RASA1: variants seen among roughly 807,000 people sequenced by gnomAD.
RASA1 encodes the protein ras GTPase-activating protein 1.
In RASA1, 25 loss-of-function variants were observed where a neutral mutation model predicts 132.2. The ratio of observed to expected loss-of-function variants is 0.19; its 90% CI spans 0.14 to 0.26. RASA1 has a LOEUF of 0.26. Among genes scored for constraint, RASA1 ranks in the 10% least tolerant of loss-of-function variants. The pLI, the probability that RASA1 is intolerant of heterozygous loss-of-function variation, is 1.00. For missense variants in RASA1, 964 were observed against 1,299.2 expected, an observed-to-expected ratio of 0.74 and a Z score of 3.97; for synonymous variants, 477 against 449.9, an observed-to-expected ratio of 1.06 and a Z score of -0.76.
chr5:87,284,886 A>G (rs1754475036), intron 1 of RASA1, among the ~76,000 whole-genome samples: 1 of 152,092 alleles, frequency 6.6e-6, no homozygotes, highest in Non-Finnish European at 1.5e-5. Flanking sequence ...TGTTTTTGAA[A>G]TTTTAACAAG....
chr5:87,278,326 C>T (rs1230987921), intron 1 of RASA1, among the ~76,000 whole-genome samples: 2 of 151,122 alleles, frequency 1.3e-5, no homozygotes, highest in Non-Finnish European at 2.9e-5. Context: ...GTGGGTGGAT[C>T]ACAGGGTCAG....
intron 6 of RASA1, among the ~76,000 whole-genome samples, chr5:87,343,422 T>C (rs1758622188): frequency 6.6e-6 from 1 of 152,150 alleles, no homozygotes. Context: ...TCTACCTAGA[T>C]TGAATCACAT....
chr5:87,328,686 T>C (rs1757405215), intron 1 of RASA1, among the ~76,000 whole-genome samples: 1 of 152,254 alleles, frequency 6.6e-6, no homozygotes, highest in East Asian at 1.9e-4. Flanking sequence ...GAATATATGA[T>C]TCTCTATGCA....
chr5:87,278,809 T>C (rs1016085722), intron 1 of RASA1, among the ~76,000 whole-genome samples: 4 of 151,872 alleles, frequency 2.6e-5, no homozygotes, highest in Non-Finnish European at 5.9e-5. Flanking sequence ...ATACTAGAGA[T>C]ACAGAAGAGT....
intron 13 of RASA1, 63 bp downstream of exon 13, chr5:87,372,258 A>G (rs1031581198): frequency 8.3e-5 from 122 of 1,465,642 alleles, no homozygotes; most frequent in Non-Finnish European, 1.1e-4. Context: ...TGCTCTTTTT[A>G]TTTTATTTTT....
intron 1 of RASA1, among the ~76,000 whole-genome samples, chr5:87,283,148 GTT>G (rs200461511): frequency 9.7e-6 from 1 of 103,248 alleles, no homozygotes; most frequent in East Asian, 2.6e-4. Context: ...TTTTTTTTGT[GTT>G]TTTTTTTTTT....
At chr5:87,324,873 G>C (rs1389719079) in intron 1 of RASA1, among the ~76,000 whole-genome samples, 1 of 151,902 alleles carries the variant, frequency 6.6e-6, no homozygotes, top group Non-Finnish European at 1.5e-5. Context: ...GAAAAAAAAG[G>C]CCAAGTAAAG....
intron 1 of RASA1, among the ~76,000 whole-genome samples, chr5:87,271,267 A>G (rs971813466): frequency 7.2e-5 from 11 of 151,968 alleles, no homozygotes; most frequent in African/African-American, 2.4e-4. Flanking sequence ...AAAAAACAAT[A>G]TTACAGCACT....
rs537794490 is a variant in RASA1 at position 87,380,363 on chromosome 5, C to A, written c.2604-146C>A. 9.8e-5 allele frequency: 72 copies of A among 737,542 alleles called. 1 individual carries two copies. In the East Asian group the frequency reaches 1.8e-3, roughly 19 times the overall value. The allele number at this position is 737,542 out of a possible 1,614,324, so 45.7% of individuals were successfully genotyped here. A position where few individuals can be genotyped will look rare whatever the true frequency, so the allele number is the denominator to read the frequency against. On this transcript the variant is annotated intron_variant, in intron 19 of 24. Transcript: ENST00000274376. ...GTTTTCCTTACCCCTTGCTAAATGC[C>A]TCATTACCTGTGGCAAAATACTTTT...
At chr5:87,363,676 C>G (rs1466783771) in intron 11 of RASA1, among the ~76,000 whole-genome samples, 172 bp downstream of exon 11, 1 of 152,026 alleles carries the variant, frequency 6.6e-6, no homozygotes, top group African/African-American at 2.4e-5. Context: ...TACATAAAGT[C>G]TACTTCATTG....
chr5:87,320,665 G>A (rs1756725518), intron 1 of RASA1, among the ~76,000 whole-genome samples: 1 of 152,154 alleles, frequency 6.6e-6, no homozygotes, highest in African/African-American at 2.4e-5. Flanking sequence ...CTACCACCAG[G>A]TCCCTCCCCC....
At chr5:87,327,989 G>C (rs575308245) in intron 1 of RASA1, among the ~76,000 whole-genome samples, 1 of 151,632 alleles carries the variant, frequency 6.6e-6, no homozygotes, top group African/African-American at 2.4e-5. Context: ...AAAAGAGAGA[G>C]AACTTCCTAT....
intron 18 of RASA1, 101 bp from the exon 19 acceptor site, chr5:87,379,633 GA>G: frequency 6.7e-7 from 1 of 1,485,006 alleles, no homozygotes; most frequent in Non-Finnish European, 9.0e-7. Flanking sequence ...CAGAGATACC[GA>G]AAAATAGACA....
At chr5:87,362,906 CT>C (rs879684008) in intron 10 of RASA1, among the ~76,000 whole-genome samples, 160 of 139,924 alleles carry the variant, frequency 1.1e-3, no homozygotes, top group Middle Eastern at 3.9e-3. Flanking sequence ...TTCTTTCTTT[CT>C]TTTTTTTTTT....
chr5:87,346,862 GC>G, intron 7 of RASA1, 138 bp downstream of exon 7: 1 of 565,282 alleles, frequency 1.8e-6, no homozygotes, highest in Non-Finnish European at 3.1e-6. Flanking sequence ...GTACTAAGAA[GC>G]TGGTGTTTTT....
intron 2 of RASA1, 123 bp from the exon 3 acceptor site, chr5:87,332,384 A>G (rs1757668043): frequency 1.0e-6 from 1 of 997,158 alleles, no homozygotes; most frequent in Non-Finnish European, 1.5e-6. Context: ...GTATTTTAGT[A>G]TAAGGATATA....
At position 87,390,876 on chromosome 5, in the gene RASA1, T is replaced by C. The variant is rs750934301; in HGVS notation, c.3137T>C (p.Val1046Ala). Residue 1046 changes from valine (V) to alanine (A), a missense_variant, in exon 25 of 25, where the codon GTC (valine) becomes GCC (alanine). This residue lies in a region of RASA1 where 107 missense variants were observed against 163.8 expected (regional missense o/e 0.65). Coordinates refer to ENST00000274376, the MANE Select transcript of RASA1 (RefSeq NM_002890.3). ...AACCAGTATACAAAAACCAATGATG[T>C]CAGGTAGCAGCCTTCGCCCCAGTGT... ...KQNQYTKTND[V>A]R The C allele has an allele frequency of 6.2e-7, 1 of 1,610,560 alleles. No homozygotes were observed. The highest frequency in any genetic ancestry group is 8.5e-7 in the Non-Finnish European group (1 of 1,176,764).
intron 14 of RASA1, among the ~76,000 whole-genome samples, chr5:87,374,631 A>G (rs908039895): frequency 1.3e-5 from 2 of 151,778 alleles, no homozygotes; most frequent in African/African-American, 4.8e-5. Flanking sequence ...TTATTAGTTT[A>G]GGAGGTTAAA....
chr5:87,385,285 C>T lies in RASA1; in HGVS notation c.2759-16C>T, dbSNP rs747218208. On this transcript the variant is annotated splice_polypyrimidine_tract_variant and intron_variant, in intron 21 of 24. Transcript: ENST00000274376. ...GTTGGACTTGGTGTCATTAGCTGTG[C>T]CCAATTCTGTTACAGATTCTCCATC... 5 of 1,553,638 alleles carry T rather than the reference C, an allele frequency of 3.2e-6. No homozygotes were observed. In the East Asian group the frequency reaches 1.1e-4, roughly 35 times the overall value.
Sources: gnomAD v4.1 joint callset for allele counts (sites outside exome capture counted in the v4.1 genomes callset) on GRCh38, gnomAD v4.1.1 for gene constraint, gnomAD v4.1.1 regional missense constraint, MANE v1.5 for transcripts, NCBI Gene and HGNC (gene_info 2026-07-23, HGNC 2026-07-21) for gene names.